ZNF718: variants seen among roughly 807,000 people sequenced by gnomAD.
The protein encoded by ZNF718 is zinc finger protein 718.
A neutral mutation model predicts 2.6 loss-of-function variants in ZNF718; 3 were observed. The observed-to-expected ratio is 1.16, with a 90% CI of 0.53 to 3.01. The LOEUF (loss-of-function observed/expected upper bound fraction) is 3.01. Among genes scored for constraint, ZNF718 ranks in the 30% most tolerant of loss-of-function variants. The probability of loss-of-function intolerance (pLI) is 0.03; values close to 1 mark genes in which losing one functional copy is unlikely to be tolerated. For missense variants in ZNF718, 468 were observed against 230.0 expected (o/e 2.03, Z -6.69); for synonymous variants, 135 against 77.9 (o/e 1.73, Z -3.86).
In ZNF718 at chr4:180,809, T is replaced by G. The variant is rs191631512; in HGVS notation, c.227-20272T>G. On this transcript the variant is annotated intron_variant and NMD_transcript_variant, in intron 3 of 4. Transcript: ENST00000642529. ...TAATGAGTAATAATATTGAAACATT[T>G]TACATGCCACTTAGAATTTGTCTAT... Among the ~76,000 whole-genome samples the G allele has an allele frequency of 4.6e-5, 7 of 152,336 alleles. No homozygotes were observed. In the East Asian group the frequency reaches 1.4e-3, roughly 29 times the overall value.
chr4:156,488 A>C (rs1214214920), intron 3 of ZNF718, among the ~76,000 whole-genome samples: 3 of 61,894 alleles, frequency 4.8e-5, no homozygotes, highest in African/African-American at 2.2e-4. Context: ...ACTATTTTTA[A>C]TTGTCAAAAA....
intron 3 of ZNF718, among the ~76,000 whole-genome samples, chr4:140,644 C>T (rs1302578252): frequency 6.6e-6 from 1 of 152,150 alleles, no homozygotes; most frequent in African/African-American, 2.4e-5. Context: ...GGATTATCTA[C>T]TGGGGCAAAG....
At chr4:191,106 A>G (rs1717684585) in intron 3 of ZNF718, among the ~76,000 whole-genome samples, 1 of 149,930 alleles carries the variant, frequency 6.7e-6, no homozygotes, top group Non-Finnish European at 1.5e-5. Context: ...TAGAGTTGGT[A>G]TCTTCTAAGT....
Position 131,880 on chromosome 4 carries a change from C to T in ZNF718, c.226+375C>T, listed in dbSNP as rs1715357621. Among the ~76,000 whole-genome samples the T allele has an allele frequency of 7.4e-5, 7 of 95,116 alleles. 2 individuals are homozygous for T. The highest frequency in any genetic ancestry group is 3.5e-4 in the Admixed American group (3 of 8,610). The allele number at this position is 95,116 out of a possible 152,430, so 62.4% of individuals were successfully genotyped here. ...CTAACATGGTGAAACTCCATCTCTA[C>T]TAAAAATACAAAAAATTAGCCGGGT... is the stretch of plus-strand genomic sequence containing the variant. On this transcript the variant is annotated intron_variant, in intron 3 of 3. Coordinates refer to ENST00000510175, the MANE Select transcript of ZNF718 (RefSeq NM_001039127.6).
At chr4:182,924 T>G (rs1717496983) in intron 3 of ZNF718, among the ~76,000 whole-genome samples, 1 of 152,184 alleles carries the variant, frequency 6.6e-6, no homozygotes, top group African/African-American at 2.4e-5. Flanking sequence ...ATGCATAGAT[T>G]GCAATTTTTT....
chr4:148,123 C>G (rs186872860), intron 3 of ZNF718, among the ~76,000 whole-genome samples: 3 of 152,120 alleles, frequency 2.0e-5, no homozygotes, highest in Admixed American at 2.0e-4. Flanking sequence ...GATTTCTGGG[C>G]GGGCAGGACT....
At chr4:177,626 C>A (rs1717376422) in intron 3 of ZNF718, among the ~76,000 whole-genome samples, 1 of 152,100 alleles carries the variant, frequency 6.6e-6, no homozygotes, top group Admixed American at 6.6e-5. Context: ...TCAAATGGTC[C>A]TCTAACAGGA....
intron 3 of ZNF718, among the ~76,000 whole-genome samples, chr4:144,386 C>G (rs559576918): frequency 2.0e-5 from 3 of 152,278 alleles, no homozygotes; most frequent in East Asian, 1.9e-4. Flanking sequence ...TTTTACTGAT[C>G]AGTTTTATGC....
intron 3 of ZNF718, among the ~76,000 whole-genome samples, chr4:200,233 G>A (rs558574929): frequency 6.7e-6 from 1 of 149,530 alleles, no homozygotes; most frequent in African/African-American, 2.4e-5. Flanking sequence ...GGGGAGGAAG[G>A]AGGAGGTTTT....
At chr4:200,592 T>C (rs1553822630) in intron 3 of ZNF718, among the ~76,000 whole-genome samples, 1 of 151,870 alleles carries the variant, frequency 6.6e-6, no homozygotes, top group East Asian at 1.9e-4. Flanking sequence ...TTTGTTTTTG[T>C]TTTTTTTAGA....
intron 3 of ZNF718, chr4:142,027 TAGG>T (rs1715834513): frequency 1.9e-6 from 1 of 519,898 alleles, no homozygotes; most frequent in African/African-American, 1.9e-5. Flanking sequence ...TCTGAGAACA[TAGG>T]AGAAAAACTG....
rs1486962756 is a variant in ZNF718, at chr4:132,063, G to A, written c.226+558G>A. Among the ~76,000 whole-genome samples, 2 of 92,112 alleles carry A rather than the reference G, an allele frequency of 2.2e-5. 1 individual carries two copies. Among genetic ancestry groups the A allele is most frequent in the African/African-American group, 7.6e-5 (2 of 26,238 alleles). The allele number at this position is 92,112 out of a possible 152,430, so 60.4% of individuals were successfully genotyped here. On this transcript the variant is annotated intron_variant, in intron 3 of 3. Coordinates refer to ENST00000510175, the MANE Select transcript of ZNF718 (RefSeq NM_001039127.6). ...CCGTCTCAAAAAAAAAAAAAACCCA[G>A]GAGGCAGAGGTTGCGGTCGGCTGAG...
At chr4:180,240 A>C (rs1717436583) in intron 3 of ZNF718, among the ~76,000 whole-genome samples, 1 of 152,112 alleles carries the variant, frequency 6.6e-6, no homozygotes, top group East Asian at 1.9e-4. Context: ...TTTTTTTGTC[A>C]GCTGAAACTA....
chr4:182,886 T>C (rs1010087659), intron 3 of ZNF718, among the ~76,000 whole-genome samples: 1 of 152,222 alleles, frequency 6.6e-6, no homozygotes, highest in Non-Finnish European at 1.5e-5. Context: ...AAGCTTTTTA[T>C]AGGTGCTGGA....
exon 5 of ZNF718, chr4:202,273 G>C (rs1717917356): frequency 6.6e-6 from 1 of 152,244 alleles, no homozygotes; most frequent in South Asian, 2.1e-4. Flanking sequence ...AATGTGGAAT[G>C]TGAGTCCATT....
At chr4:124,832 A>G in intron 1 of ZNF718, 159 bp downstream of exon 1, 4 of 961,618 alleles carry the variant, frequency 4.2e-6, no homozygotes, top group Non-Finnish European at 4.6e-6. Flanking sequence ...GTCCCCGTAC[A>G]GCGGCTCTGG....
rs781836575 is a variant in ZNF718, at chr4:161,008, A to T, written c.323A>T (p.His108Leu). 5 of 780,938 alleles carry T rather than the reference A, an allele frequency of 6.4e-6. No individual in the cohort carries two copies. The East Asian group carries it at 9.7e-5, about 15-fold the overall frequency. 48.4% of individuals were successfully genotyped at this position (780,938 alleles called of 1,614,324 possible). The change falls in exon 4 of 4, where the codon CAT becomes CTT. Residue 108 changes from histidine to leucine, a missense_variant. His to Leu is a moderately conservative substitution (Grantham distance 99, BLOSUM62 -3). Coordinates refer to ENST00000510175, the MANE Select transcript of ZNF718 (RefSeq NM_001039127.6). The stretch of plus-strand genomic sequence containing the variant: ...CCAAAAGGACATGAGAAACGTGGAC[A>T]TGAGAATTTAAGAAAAACTTGTAAA... Reference protein sequence around the residue: ...LIPKGHEKRGHENLRKTCKSI... With the variant: ...LIPKGHEKRGLENLRKTCKSI...
intron 3 of ZNF718, among the ~76,000 whole-genome samples, chr4:188,562 C>A (rs1350192904): frequency 1.3e-5 from 2 of 152,196 alleles, no homozygotes; most frequent in South Asian, 2.1e-4. Context: ...TGACCTCCCA[C>A]CTTGTCTGAG....
chr4:191,788 AGCTCCCAAGATGGTGGCAGGCT>A, intron 3 of ZNF718, among the ~76,000 whole-genome samples: 1 of 152,262 alleles, frequency 6.6e-6, no homozygotes, highest in South Asian at 2.1e-4. Flanking sequence ...TTGTTCTTAG[AGCTCCCAAGATGGTGGCAGGCT>A]GCTCCCAAGA....
Sources: gnomAD v4.1 joint callset for allele counts (sites outside exome capture counted in the v4.1 genomes callset) on GRCh38, gnomAD v4.1.1 for gene constraint, MANE v1.5 for transcripts, NCBI Gene and HGNC (gene_info 2026-07-23, HGNC 2026-07-21) for gene names.